Variants in LPP observed in about 807,000 individuals in gnomAD.
The protein encoded by LPP is lipoma-preferred partner.
In LPP, 38 loss-of-function variants were observed where a neutral mutation model predicts 60.4. The observed-to-expected ratio is 0.63, with a 90% CI of 0.49 to 0.83. The LOEUF is 0.83. Ranked by LOEUF, LPP falls within the 40% of genes least tolerant of loss-of-function variation. The probability of loss-of-function intolerance (pLI) is 0.00; values close to 1 mark genes in which losing one functional copy is unlikely to be tolerated. For synonymous variants in LPP, 328 were observed against 290.8 expected, an observed-to-expected ratio of 1.13 and a Z score of -1.30; for missense variants, 902 against 783.6, an observed-to-expected ratio of 1.15 and a Z score of -1.80.
At chr3:188,854,911 A>G (rs1763455573) in intron 9 of LPP, among the ~76,000 whole-genome samples, 1 of 152,224 alleles carries the variant, frequency 6.6e-6, no homozygotes, top group Non-Finnish European at 1.5e-5. Flanking sequence ...GGTATTGGGA[A>G]CATTTCTAGT....
chr3:188,798,918 G>A (rs1012236415), intron 9 of LPP, among the ~76,000 whole-genome samples: 1 of 152,210 alleles, frequency 6.6e-6, no homozygotes, highest in Non-Finnish European at 1.5e-5. Context: ...TTAAAATACA[G>A]CTGCAGTGTG....
chr3:188,218,794 A>G (rs1714659720), intron 1 of LPP, among the ~76,000 whole-genome samples: 1 of 152,184 alleles, frequency 6.6e-6, no homozygotes, highest in Admixed American at 6.6e-5. Context: ...GGATATATAA[A>G]GAGCCAGAAA....
At chr3:188,560,233 C>G (rs1272753796) in intron 6 of LPP, among the ~76,000 whole-genome samples, 2 of 152,110 alleles carry the variant, frequency 1.3e-5, no homozygotes. Flanking sequence ...TCCAGGGTCT[C>G]TGACGCATCT....
At chr3:188,819,388 G>GA (rs917128049) in intron 9 of LPP, among the ~76,000 whole-genome samples, 32 of 144,464 alleles carry the variant, frequency 2.2e-4, no homozygotes, top group East Asian at 1.8e-3. Context: ...TCGCTATAAA[G>GA]AAAAAAAAAA....
chr3:188,241,302 T>TGGG (rs2149467688), intron 2 of LPP, among the ~76,000 whole-genome samples: 1 of 152,322 alleles, frequency 6.6e-6, no homozygotes, highest in African/African-American at 2.4e-5. Flanking sequence ...CCTGCATGAC[T>TGGG]GGGTATAAAC....
chr3:188,268,519 G>A (rs1466431451), intron 2 of LPP, among the ~76,000 whole-genome samples: 1 of 152,224 alleles, frequency 6.6e-6, no homozygotes, highest in Admixed American at 6.5e-5. Context: ...ACAGCTTGGT[G>A]TTTTCCTTAT....
chr3:188,305,210 A>T (rs1751141470), intron 2 of LPP, among the ~76,000 whole-genome samples: 1 of 152,136 alleles, frequency 6.6e-6, no homozygotes, highest in Non-Finnish European at 1.5e-5. Context: ...GCTAAATACT[A>T]AATATATTTA....
At chr3:188,707,401 C>G (rs567071439) in intron 7 of LPP, among the ~76,000 whole-genome samples, 1 of 152,252 alleles carries the variant, frequency 6.6e-6, no homozygotes, top group African/African-American at 2.4e-5. Flanking sequence ...ATCCCTGCCC[C>G]CCTGCCCAAC....
intron 1 of LPP, among the ~76,000 whole-genome samples, chr3:188,166,051 C>T (rs1250050467): frequency 2.0e-5 from 3 of 152,066 alleles, no homozygotes. Flanking sequence ...TACTGAATCT[C>T]TAATTGCTGG....
intron 1 of LPP, chr3:188,178,983 A>G (rs1316520797): frequency 7.1e-6 from 2 of 282,804 alleles, no homozygotes; most frequent in East Asian, 2.2e-4. Context: ...AGGGAGAGAG[A>G]GAGCACGACA....
chr3:188,628,053 C>A (rs1442931114), intron 7 of LPP, among the ~76,000 whole-genome samples: 1 of 151,886 alleles, frequency 6.6e-6, no homozygotes, highest in Non-Finnish European at 1.5e-5. Context: ...AAAAAAAATC[C>A]TTTGAAACTA....
At chr3:188,476,806 T>A (rs567258837) in intron 4 of LPP, among the ~76,000 whole-genome samples, 1 of 152,172 alleles carries the variant, frequency 6.6e-6, no homozygotes, top group African/African-American at 2.4e-5. Context: ...ACTAAAAAAT[T>A]AATGTTCCTC....
At chr3:188,159,477 TTG>T (rs1390936720) in intron 1 of LPP, among the ~76,000 whole-genome samples, 1 of 152,166 alleles carries the variant, frequency 6.6e-6, no homozygotes, top group Non-Finnish European at 1.5e-5. Context: ...TCTTACATAT[TTG>T]TGTGTCTGCC....
At chr3:188,461,274 A>T (rs1335475062) in intron 4 of LPP, among the ~76,000 whole-genome samples, 2 of 152,100 alleles carry the variant, frequency 1.3e-5, no homozygotes, top group African/African-American at 4.8e-5. Flanking sequence ...TTCCCCTCCA[A>T]CCTAAAGACA....
chr3:188,498,557 G>T (rs530975812), intron 5 of LPP, among the ~76,000 whole-genome samples: 2 of 152,260 alleles, frequency 1.3e-5, no homozygotes, highest in South Asian at 2.1e-4. Flanking sequence ...ATCCGTTCTT[G>T]TTAATAGACA....
At chr3:188,792,068 T>A (rs1294302464) in intron 9 of LPP, among the ~76,000 whole-genome samples, 1 of 152,206 alleles carries the variant, frequency 6.6e-6, no homozygotes, top group East Asian at 1.9e-4. Flanking sequence ...TTTGCTGCTA[T>A]ACCAGGCTGT....
At chr3:188,871,587 AG>A (rs1331178494) in intron 10 of LPP, among the ~76,000 whole-genome samples, 2 of 152,208 alleles carry the variant, frequency 1.3e-5, no homozygotes, top group Non-Finnish European at 2.9e-5. Context: ...TTTCTTTTTA[AG>A]TCTCACTACA....
At chr3:188,613,943 T>A (rs1373019974) in intron 7 of LPP, among the ~76,000 whole-genome samples, 4 of 59,354 alleles carry the variant, frequency 6.7e-5, no homozygotes, top group Admixed American at 1.9e-4. Flanking sequence ...TTATTTATTT[T>A]TTGAGAGGGA....
At chr3:188,380,729 T>C (rs1055490750) in intron 3 of LPP, among the ~76,000 whole-genome samples, 3 of 152,268 alleles carry the variant, frequency 2.0e-5, no homozygotes, top group African/African-American at 7.2e-5. Flanking sequence ...TCTTTAATTG[T>C]GTGGAGGTGT....
Sources: allele counts gnomAD v4.1 joint callset (sites outside exome capture counted in the v4.1 genomes callset), GRCh38; gene constraint gnomAD v4.1.1; transcripts MANE v1.5; gene names NCBI Gene and HGNC (gene_info 2026-07-23, HGNC 2026-07-21).